Variants in LOC122539214 observed in about 807,000 individuals in gnomAD.
chr19:52,668,510 T>C, the LOC122539214 span, among the ~76,000 whole-genome samples: 629 of 152,318 alleles, frequency 4.1e-3, 3 homozygotes, highest in African/African-American at 0.014. Context: ...GAAAGGATCC[T>C]ATAGGCTTCT....
the LOC122539214 span, among the ~76,000 whole-genome samples, chr19:52,663,160 C>A: frequency 4.6e-5 from 7 of 151,640 alleles, no homozygotes; most frequent in East Asian, 1.4e-3. Context: ...GACACTCCAT[C>A]TCAAAAAAGG....
chr19:52,673,244 T>C, the LOC122539214 span, among the ~76,000 whole-genome samples: 224 of 152,210 alleles, frequency 1.5e-3, 2 homozygotes, highest in Admixed American at 2.4e-3. Context: ...CAGTGGCTCA[T>C]GCTTGAATCC....
chr19:52,652,392 G>A, the LOC122539214 span: 13 of 333,920 alleles, frequency 3.9e-5, no homozygotes, highest in East Asian at 6.0e-4. Context: ...CCGAGATCAC[G>A]CCACTGCACC....
the LOC122539214 span, among the ~76,000 whole-genome samples, chr19:52,683,528 A>ACCCCCACTCTG: frequency 1.2e-5 from 1 of 82,730 alleles, no homozygotes; most frequent in Non-Finnish European, 2.3e-5. Flanking sequence ...ATCCAAAGGG[A>ACCCCCACTCTG]AGGGCAAAGT....
the LOC122539214 span, among the ~76,000 whole-genome samples, chr19:52,673,023 T>A: frequency 6.6e-6 from 1 of 151,680 alleles, no homozygotes; most frequent in African/African-American, 2.4e-5. Flanking sequence ...TGGCCAGGTG[T>A]GGTGGCTCAA....
chr19:52,656,226 C>CTATATA, the LOC122539214 span, among the ~76,000 whole-genome samples: 5 of 145,050 alleles, frequency 3.4e-5, no homozygotes, highest in African/African-American at 1.3e-4. Flanking sequence ...CTCTCTCTCT[C>CTATATA]TATATATATA....
the LOC122539214 span, among the ~76,000 whole-genome samples, chr19:52,674,015 C>CAA: frequency 5.3e-3 from 380 of 72,376 alleles, 5 homozygotes; most frequent in African/African-American, 0.011. Flanking sequence ...GACTCCATCT[C>CAA]AAAAAAAAAA....
the LOC122539214 span, among the ~76,000 whole-genome samples, chr19:52,660,350 G>A: frequency 6.6e-6 from 1 of 152,064 alleles, no homozygotes; most frequent in Non-Finnish European, 1.5e-5. Flanking sequence ...ATGCTCACAG[G>A]CAGCCAGTGT....
At chr19:52,661,633 G>T in the LOC122539214 span, among the ~76,000 whole-genome samples, 1 of 152,212 alleles carries the variant, frequency 6.6e-6, no homozygotes, top group Non-Finnish European at 1.5e-5. Flanking sequence ...CTAATGTGAA[G>T]TCAGGGTTGA....
chr19:52,661,220 A>T, the LOC122539214 span, among the ~76,000 whole-genome samples: 41 of 152,274 alleles, frequency 2.7e-4, 1 homozygote, highest in South Asian at 8.5e-3. Context: ...TACACAGGGG[A>T]GACCTTACCC....
At chr19:52,683,863 C>T in the LOC122539214 span, among the ~76,000 whole-genome samples, 1 of 152,146 alleles carries the variant, frequency 6.6e-6, no homozygotes, top group East Asian at 1.9e-4. Flanking sequence ...GTAGGTGCTG[C>T]TGTTGTCCTG....
chr19:52,685,731 T>A, the LOC122539214 span, among the ~76,000 whole-genome samples: 488 of 151,946 alleles, frequency 3.2e-3, 2 homozygotes, highest in African/African-American at 0.011. Flanking sequence ...ACCTTGTCTC[T>A]ACTAAAAATA....
At chr19:52,653,111 T>C in the LOC122539214 span, 2 of 1,466,336 alleles carry the variant, frequency 1.4e-6, no homozygotes, top group Non-Finnish European at 1.9e-6. Flanking sequence ...AGGGATGAAT[T>C]TCGAGCAAAG....
the LOC122539214 span, among the ~76,000 whole-genome samples, chr19:52,656,000 C>T: frequency 1.3e-5 from 2 of 151,966 alleles, no homozygotes; most frequent in Admixed American, 6.6e-5. Context: ...CAACTGAGCT[C>T]AGGAGTTCGA....
the LOC122539214 span, chr19:52,653,376 C>T: frequency 4.6e-6 from 5 of 1,078,134 alleles, no homozygotes; most frequent in Admixed American, 8.9e-5. Context: ...GCTGGAAAAC[C>T]TTGCCACATT....
chr19:52,658,282 TGCCTGTAATTTCAGCACTCAC>T, the LOC122539214 span, among the ~76,000 whole-genome samples: 1 of 152,090 alleles, frequency 6.6e-6, no homozygotes, highest in Admixed American at 6.5e-5. Context: ...TTCTGGCTCA[TGCCTGTAATTTCAGCACTCAC>T]GCCTGTAATT....
At chr19:52,687,607 ATATAATGTG>A in the LOC122539214 span, among the ~76,000 whole-genome samples, 1 of 20,378 alleles carries the variant, frequency 4.9e-5, no homozygotes, top group Non-Finnish European at 8.1e-5. Flanking sequence ...ATGTATATAT[ATATAATGTG>A]TATATATATA....
the LOC122539214 span, among the ~76,000 whole-genome samples, chr19:52,687,492 TTA>T: frequency 1.9e-5 from 1 of 53,532 alleles, no homozygotes; most frequent in African/African-American, 1.0e-4. Flanking sequence ...AAATTATAAT[TTA>T]TATAGATATA....
At chr19:52,676,727 C>T in the LOC122539214 span, among the ~76,000 whole-genome samples, 13 of 138,474 alleles carry the variant, frequency 9.4e-5, no homozygotes, top group African/African-American at 1.9e-4. Flanking sequence ...GGATGGTTGC[C>T]GTGTCTGTGT....
Sources: gnomAD v4.1 joint callset for allele counts (sites outside exome capture counted in the v4.1 genomes callset) on GRCh38, gnomAD v4.1.1 for gene constraint, MANE v1.5 for transcripts.